The following PVT1 variants were observed in gnomAD, a reference collection of about 807,000 sequenced individuals.
PVT1 encodes Pvt1 oncogene, also known as CXCR4/PVT1 fusion.
chr8:127,984,921 C>CTTTCTTTCTT (rs1376264520), intron 3 of PVT1, among the ~76,000 whole-genome samples: 1 of 112,276 alleles, frequency 8.9e-6, no homozygotes, highest in African/African-American at 4.3e-5. Context: ...TTCTTTCTTT[C>CTTTCTTTCTT]TCTTTCTCTT....
intron 4 of PVT1, among the ~76,000 whole-genome samples, chr8:128,025,438 G>A (rs534771305): frequency 6.6e-6 from 1 of 152,276 alleles, no homozygotes; most frequent in Admixed American, 6.5e-5. Flanking sequence ...ACACTGGCAA[G>A]GTGCCTGAGA....
intron 3 of PVT1, among the ~76,000 whole-genome samples, chr8:127,930,301 C>T (rs1816189159): frequency 1.3e-5 from 2 of 152,156 alleles, no homozygotes; most frequent in Admixed American, 1.3e-4. Flanking sequence ...GGATTACAGG[C>T]ATGCGCCACC....
At chr8:127,926,234 G>A (rs1396475063) in intron 3 of PVT1, among the ~76,000 whole-genome samples, 1 of 152,154 alleles carries the variant, frequency 6.6e-6, no homozygotes, top group Non-Finnish European at 1.5e-5. Context: ...TAGGGAAGGT[G>A]ACTGCAGGAA....
intron 4 of PVT1, among the ~76,000 whole-genome samples, chr8:128,043,256 A>G (rs545055664): frequency 2.0e-5 from 3 of 152,284 alleles, no homozygotes; most frequent in Admixed American, 6.5e-5. Flanking sequence ...AATAACTTCA[A>G]AAATATTTGA....
At chr8:128,037,047 C>T (rs1813471199) in intron 4 of PVT1, among the ~76,000 whole-genome samples, 1 of 152,214 alleles carries the variant, frequency 6.6e-6, no homozygotes, top group South Asian at 2.1e-4. Flanking sequence ...GGGCCCCTCT[C>T]CTCCTGACCA....
intron 4 of PVT1, among the ~76,000 whole-genome samples, chr8:128,068,771 C>G (rs1204297442): frequency 2.0e-5 from 3 of 152,200 alleles, no homozygotes; most frequent in Admixed American, 1.3e-4. Flanking sequence ...GGATTACAGG[C>G]GTGAGCCACT....
At chr8:127,906,612 G>A (rs900649552) in intron 3 of PVT1, among the ~76,000 whole-genome samples, 2 of 152,098 alleles carry the variant, frequency 1.3e-5, no homozygotes, top group African/African-American at 4.8e-5. Flanking sequence ...AGGGGGATGG[G>A]GGGTGGACTC....
chr8:127,939,432 T>A (rs1172532230), intron 3 of PVT1: 1 of 152,206 alleles, frequency 6.6e-6, no homozygotes, highest in Non-Finnish European at 1.5e-5. Context: ...AAGCCTCGAG[T>A]CCCTGGCAGT....
At chr8:127,970,591 G>A (rs1000208641) in intron 3 of PVT1, among the ~76,000 whole-genome samples, 1 of 151,958 alleles carries the variant, frequency 6.6e-6, no homozygotes, top group Non-Finnish European at 1.5e-5. Flanking sequence ...GAGCAACCAC[G>A]CCCAGCCGAC....
intron 3 of PVT1, among the ~76,000 whole-genome samples, chr8:127,957,562 G>T (rs754267505): frequency 2.0e-5 from 2 of 102,406 alleles, no homozygotes; most frequent in African/African-American, 3.7e-5. Context: ...GCGAGACTCC[G>T]TCTCAAAAAA....
intron 3 of PVT1, among the ~76,000 whole-genome samples, chr8:127,964,426 C>A (rs1390881063): frequency 6.6e-6 from 1 of 152,236 alleles, no homozygotes; most frequent in Admixed American, 6.5e-5. Context: ...AGGGTTCTAG[C>A]CACACTGGGC....
chr8:127,866,324 G>C (rs558885638), intron 2 of PVT1, among the ~76,000 whole-genome samples: 64 of 152,170 alleles, frequency 4.2e-4, no homozygotes, highest in African/African-American at 1.5e-3. Flanking sequence ...GCTGCCCCTG[G>C]GTCTGCTTTC....
intron 3 of PVT1, among the ~76,000 whole-genome samples, chr8:127,894,722 A>G (rs1815652403): frequency 6.6e-6 from 1 of 152,274 alleles, no homozygotes; most frequent in African/African-American, 2.4e-5. Flanking sequence ...CAAAAATACT[A>G]TTAGTGACAT....
At chr8:127,838,705 A>G (rs1359215225) in intron 2 of PVT1, among the ~76,000 whole-genome samples, 1 of 152,172 alleles carries the variant, frequency 6.6e-6, no homozygotes, top group African/African-American at 2.4e-5. Context: ...CCTGACTCTG[A>G]TGATAGTAAT....
At chr8:128,084,040 T>C (rs1814224491) in intron 5 of PVT1, among the ~76,000 whole-genome samples, 1 of 152,188 alleles carries the variant, frequency 6.6e-6, no homozygotes, top group Admixed American at 6.5e-5. Flanking sequence ...GTCACCACCT[T>C]TAGCCTGATT....
At chr8:127,935,773 C>A (rs912765467) in intron 3 of PVT1, among the ~76,000 whole-genome samples, 2 of 151,550 alleles carry the variant, frequency 1.3e-5, no homozygotes, top group African/African-American at 2.4e-5. Flanking sequence ...AAGTCAGTTT[C>A]TCCTCCGTAT....
chr8:128,011,660 C>T (rs949632605), intron 4 of PVT1, among the ~76,000 whole-genome samples: 16 of 152,192 alleles, frequency 1.1e-4, no homozygotes, highest in African/African-American at 3.4e-4. Flanking sequence ...TACAAGGAAA[C>T]TAGGGCCGTC....
chr8:127,857,294 A>G (rs1014805714), intron 2 of PVT1, among the ~76,000 whole-genome samples: 5 of 151,640 alleles, frequency 3.3e-5, no homozygotes, highest in Admixed American at 6.6e-5. Flanking sequence ...TTGTTCTGGG[A>G]TACTGAGATG....
intron 4 of PVT1, among the ~76,000 whole-genome samples, chr8:127,993,822 T>C (rs1817072812): frequency 6.6e-6 from 1 of 152,210 alleles, no homozygotes; most frequent in Non-Finnish European, 1.5e-5. Flanking sequence ...CTTTCTCCTT[T>C]CTTGTATTGC....
Sources: gnomAD v4.1 joint callset for allele counts (sites outside exome capture counted in the v4.1 genomes callset) on GRCh38, gnomAD v4.1.1 for gene constraint, MANE v1.5 for transcripts, NCBI Gene and HGNC (gene_info 2026-07-23, HGNC 2026-07-21) for gene names.